Variants in PPP2R2B observed in about 807,000 individuals in gnomAD.
PPP2R2B encodes the protein serine/threonine-protein phosphatase 2A 55 kDa regulatory subunit B beta isoform.
Under a neutral mutation model 46.0 loss-of-function variants are expected in PPP2R2B, and 5 were observed. That is an observed-to-expected ratio of 0.11 (90% CI 0.06 to 0.23). The LOEUF is 0.23. PPP2R2B is among the 10% of genes least tolerant of loss of function. The pLI is 1.00. For synonymous variants in PPP2R2B, 215 were observed against 206.7 expected (o/e 1.04, Z -0.34); for missense variants, 367 against 575.0 (o/e 0.64, Z 3.70).
chr5:146,769,919 T>C (rs1754733632), intron 2 of PPP2R2B, among the ~76,000 whole-genome samples: 1 of 152,064 alleles, frequency 6.6e-6, no homozygotes, highest in African/African-American at 2.4e-5. Context: ...GTTATTCTAG[T>C]TCTAAAAATT....
intron 1 of PPP2R2B, among the ~76,000 whole-genome samples, chr5:146,907,732 T>C (rs1164116710): frequency 6.6e-6 from 1 of 152,254 alleles, no homozygotes; most frequent in African/African-American, 2.4e-5. Context: ...CATACCACTT[T>C]CATTTTCTAC....
rs1162054505 is a variant in PPP2R2B at position 146,744,968 on chromosome 5, A to G, written c.71-43826T>C. On this transcript the variant is annotated intron_variant, in intron 2 of 9. Coordinates refer to ENST00000394411, the MANE Select transcript of PPP2R2B (RefSeq NM_181675.4). ...TAGAGATCAGGCAGTTAAGAGACCA[A>G]GAGTCAAATTTATATTCAGTTTAGA... Among the ~76,000 whole-genome samples the G allele has an allele frequency of 2.6e-5, 4 of 152,190 alleles. No individual in the cohort carries two copies. In the East Asian group the frequency reaches 7.7e-4, roughly 29 times the overall value.
chr5:147,081,283 C>G, exon 1 of PPP2R2B: 1 of 1,535,638 alleles, frequency 6.5e-7, no homozygotes, highest in Non-Finnish European at 8.7e-7. Context: ...AGAGAAGAGA[C>G]CCTAGTGAGT....
At chr5:146,760,061 T>C (rs1269214079) in intron 2 of PPP2R2B, among the ~76,000 whole-genome samples, 1 of 152,230 alleles carries the variant, frequency 6.6e-6, no homozygotes, top group African/African-American at 2.4e-5. Flanking sequence ...ATCTGCTTCC[T>C]ATATTATGTA....
chr5:147,077,124 AT>A (rs1353977839), intron 2 of PPP2R2B, among the ~76,000 whole-genome samples: 1 of 132,906 alleles, frequency 7.5e-6, no homozygotes, highest in Non-Finnish European at 1.6e-5. Context: ...AATATTGTAT[AT>A]TGTATATGTA....
chr5:146,965,764 A>G (rs72825267), intron 1 of PPP2R2B, among the ~76,000 whole-genome samples: 71 of 152,336 alleles, frequency 4.7e-4, no homozygotes, highest in Non-Finnish European at 8.5e-4. Flanking sequence ...TTATCTTGAT[A>G]ATAATTCTTC....
chr5:146,594,541 G>A (rs1001683156), intron 8 of PPP2R2B, among the ~76,000 whole-genome samples: 2 of 152,178 alleles, frequency 1.3e-5, no homozygotes, highest in Non-Finnish European at 2.9e-5. Context: ...TATTAGCCAG[G>A]TGCTTTATCT....
chr5:146,842,481 C>CCT (rs1554144119), intron 2 of PPP2R2B, among the ~76,000 whole-genome samples: 2 of 135,256 alleles, frequency 1.5e-5, no homozygotes, highest in African/African-American at 5.6e-5. Flanking sequence ...CCTCCATGCC[C>CCT]TTTTTTTTTT....
intron 5 of PPP2R2B, among the ~76,000 whole-genome samples, chr5:146,686,761 C>G (rs1430470450): frequency 6.6e-6 from 1 of 152,110 alleles, no homozygotes. Flanking sequence ...AAAAGAATAC[C>G]TCCAGGCTTA....
At chr5:146,918,605 A>G (rs139053438) in intron 1 of PPP2R2B, among the ~76,000 whole-genome samples, 2 of 152,288 alleles carry the variant, frequency 1.3e-5, no homozygotes, top group East Asian at 1.9e-4. Context: ...AGATTCCACA[A>G]ACTTTTGCCT....
intron 2 of PPP2R2B, chr5:146,751,593 TA>T (rs1753560184): frequency 2.0e-5 from 3 of 152,362 alleles, no homozygotes; most frequent in Middle Eastern, 6.8e-3. Context: ...TAGAAATAAA[TA>T]TTCTAGGTAT....
chr5:146,664,828 CA>C (rs1776879712), intron 5 of PPP2R2B, among the ~76,000 whole-genome samples: 1 of 152,178 alleles, frequency 6.6e-6, no homozygotes, highest in South Asian at 2.1e-4. Context: ...CTGTGGGCTG[CA>C]GAATGGATGT....
At chr5:146,807,110 A>G (rs578149974) in intron 2 of PPP2R2B, among the ~76,000 whole-genome samples, 2 of 152,294 alleles carry the variant, frequency 1.3e-5, no homozygotes, top group Non-Finnish European at 2.9e-5. Flanking sequence ...ACCCAGACCA[A>G]CTGAATCTGA....
intron 2 of PPP2R2B, among the ~76,000 whole-genome samples, chr5:147,067,013 G>C (rs866806602): frequency 6.6e-6 from 1 of 152,070 alleles, no homozygotes; most frequent in Non-Finnish European, 1.5e-5. Flanking sequence ...ATAAAATAGA[G>C]GTAGAAAATG....
chr5:146,845,455 G>A (rs1251535836), intron 2 of PPP2R2B, among the ~76,000 whole-genome samples: 6 of 149,930 alleles, frequency 4.0e-5, no homozygotes, highest in East Asian at 1.9e-4. Flanking sequence ...GGGTTTCACC[G>A]TGTTAGCCAG....
chr5:146,666,274 T>C (rs778220444), intron 5 of PPP2R2B, among the ~76,000 whole-genome samples: 6 of 152,148 alleles, frequency 3.9e-5, no homozygotes, highest in Non-Finnish European at 8.8e-5. Context: ...TTAATATATG[T>C]ATTCATAGAT....
At chr5:146,688,331 A>C (rs546800743) in intron 5 of PPP2R2B, among the ~76,000 whole-genome samples, 1 of 152,226 alleles carries the variant, frequency 6.6e-6, no homozygotes, top group East Asian at 1.9e-4. Flanking sequence ...TGAAAAAAAA[A>C]ATGATAGCTC....
chr5:147,057,461 G>A (rs1469532402), upstream of PPP2R2B, among the ~76,000 whole-genome samples: 1 of 152,214 alleles, frequency 6.6e-6, no homozygotes, highest in Non-Finnish European at 1.5e-5. Context: ...AGTAGAAGGA[G>A]TGTGGGCTTT....
At chr5:146,740,599 AC>A (rs1293533956) in intron 2 of PPP2R2B, among the ~76,000 whole-genome samples, 4 of 147,416 alleles carry the variant, frequency 2.7e-5, no homozygotes, top group Admixed American at 1.3e-4. Context: ...ACACACACAC[AC>A]ACACACACAC....
Sources: gnomAD v4.1 joint callset for allele counts (sites outside exome capture counted in the v4.1 genomes callset) on GRCh38, gnomAD v4.1.1 for gene constraint, MANE v1.5 for transcripts, NCBI Gene and HGNC (gene_info 2026-07-23, HGNC 2026-07-21) for gene names.